Variants in ARHGEF10L observed in about 807,000 individuals in gnomAD.
ARHGEF10L encodes the protein Rho guanine nucleotide exchange factor 10 like.
ARHGEF10L carries 69 observed loss-of-function variants against 141.2 expected under a neutral mutation model. The ratio of observed to expected loss-of-function variants is 0.49; its 90% confidence interval spans 0.40 to 0.60. The LOEUF (loss-of-function observed/expected upper bound fraction) is 0.60, where lower values mean the gene tolerates loss of function less well. Ranked by LOEUF, ARHGEF10L falls within the 20% of genes least tolerant of loss-of-function variation. The pLI is 0.00. For missense variants in ARHGEF10L, 1,482 were observed against 1,734.3 expected (o/e 0.85, Z 2.58); for synonymous variants, 711 against 718.5 (o/e 0.99, Z 0.17).
intron 6 of ARHGEF10L, among the ~76,000 whole-genome samples, chr1:17,605,259 G>T (rs533639214): frequency 1.3e-5 from 2 of 152,130 alleles, no homozygotes; most frequent in African/African-American, 2.4e-5. Context: ...TTGTGCCTTG[G>T]CTTCTTCACA....
At position 17,625,972 on chromosome 1, in the gene ARHGEF10L, G is replaced by C; in HGVS notation, c.1334G>C (p.Ser445Thr). 6.2e-7 allele frequency: 1 copy of C among 1,613,916 alleles called. No individual in the cohort carries two copies. The highest frequency in any genetic ancestry group is 8.5e-7 in the Non-Finnish European group (1 of 1,179,874). ...CTCCACCAGCGACGGCAGGTGTGCA[G>C]CCCAGACCGTGTCACCCTCTACGGG... is the stretch of plus-strand genomic sequence containing the variant. ...LEFLKRRQVCSPDRVTLYGLM... is the reference protein window; with the variant it reads ...LEFLKRRQVCTPDRVTLYGLM... The change falls in exon 14 of 29, where the codon AGC becomes ACC. Residue 445 changes from serine to threonine, a missense_variant. By Grantham distance (58) the Ser-to-Thr change is moderately conservative (BLOSUM62 1). Transcript: ENST00000361221. This position sits in a 1 kb window ranked among gnomAD's most constrained non-coding sequence, Gnocchi z 4.5.
chr1:17,697,293 C>T lies in ARHGEF10L; in HGVS notation c.3753C>T (p.Gly1251=). Residue 1251 remains glycine, a synonymous_variant, in exon 29 of 29, where the codon GGC becomes GGT. Transcript: ENST00000361221. The surrounding 1 kb of genome is among the most constrained non-coding windows in gnomAD (Gnocchi z 4.8). ...ISGGQGYRNF[G]SALGSSGRQA... is the part of the protein sequence containing the mutation. ...GCGGGCAGGGCTACCGCAACTTTGG[C>T]AGCGCTCTGGGCAGCAGTGGGAGGC... is the stretch of plus-strand genomic sequence containing the variant. The T allele has an allele frequency of 6.2e-7, 1 of 1,612,776 alleles. No homozygotes were observed. Among genetic ancestry groups the T allele is most frequent in the South Asian group, 1.1e-5 (1 of 91,064 alleles).
intron 15 of ARHGEF10L, 148 bp from the exon 16 acceptor site, chr1:17,632,173 C>T (rs962238215): frequency 3.1e-6 from 3 of 979,226 alleles, no homozygotes; most frequent in Non-Finnish European, 4.6e-6. Flanking sequence ...TGCATCTTGT[C>T]ACCCAGGGAT....
chr1:17,613,940 T>C (rs1478613618), intron 8 of ARHGEF10L, among the ~76,000 whole-genome samples: 1 of 152,242 alleles, frequency 6.6e-6, no homozygotes, highest in Non-Finnish European at 1.5e-5. Flanking sequence ...AGGTCAACGA[T>C]CAGGCCTCTT....
At chr1:17,522,837 C>A in the ARHGEF10L span, among the ~76,000 whole-genome samples, 2 of 152,108 alleles carry the variant, frequency 1.3e-5, no homozygotes, top group African/African-American at 4.8e-5. Flanking sequence ...TCTTCCAGGA[C>A]TTCCTCTCCA....
In ARHGEF10L at chr1:17,637,941, A is replaced by G; in HGVS notation, c.1981A>G (p.Lys661Glu). ...RLFQELQDLQ[K>E]DLAVVEQITL... ...CTTCCAGGAGCTGCAGGACCTGCAG[A>G]AGGACCTGGCCGTGGTGGAGCAGAT... The change falls in exon 19 of 29, where the codon AAG becomes GAG. Residue 661 changes from lysine to glutamate, a missense_variant. Around this residue, in one of 3 missense-constraint regions of ARHGEF10L, gnomAD observed 858 missense variants for 966.3 expected, o/e 0.89. Transcript: ENST00000361221. 1 of 1,603,092 alleles carries G rather than the reference A, an allele frequency of 6.2e-7. No individual in the cohort carries two copies. Among genetic ancestry groups the G allele is most frequent in the East Asian group, 2.2e-5 (1 of 44,482 alleles).
At chr1:17,608,768 C>T (rs750487006) in intron 7 of ARHGEF10L, among the ~76,000 whole-genome samples, 1 of 152,058 alleles carries the variant, frequency 6.6e-6, no homozygotes, top group Non-Finnish European at 1.5e-5. Flanking sequence ...CCCTCTCAGG[C>T]TACTTTTATG....
the ARHGEF10L span, among the ~76,000 whole-genome samples, chr1:17,524,158 A>G: frequency 6.6e-6 from 1 of 152,180 alleles, no homozygotes; most frequent in Admixed American, 6.5e-5. Flanking sequence ...CTGTAGTTCC[A>G]GCTACTCAAG....
In ARHGEF10L at chr1:17,618,272, C is replaced by CAA. The variant is rs995206610; in HGVS notation, c.836-1066_836-1065dup. 5.0e-6 allele frequency: 7 copies of CAA among 1,395,764 alleles called. No homozygotes were observed. In the Admixed American group the frequency reaches 1.6e-4, roughly 32 times the overall value. 86.5% of individuals were successfully genotyped at this position (1,395,764 alleles called of 1,614,324 possible). ...TCCTCAGCCCTCCCCACCCCGCCCACAAGCCCAGCGCCTTCCTGAAGTGAC... is the reference window on the plus strand; with the variant it reads ...TCCTCAGCCCTCCCCACCCCGCCCACAAAAGCCCAGCGCCTTCCTGAAGTGAC... On this transcript the variant is annotated intron_variant, in intron 9 of 28. Transcript: ENST00000361221.
intron 4 of ARHGEF10L, among the ~76,000 whole-genome samples, chr1:17,591,523 T>C (rs2079545666): frequency 1.3e-5 from 2 of 151,722 alleles, no homozygotes; most frequent in African/African-American, 4.8e-5. Context: ...GTGATTCTCC[T>C]GCCCAGCCTC....
intron 4 of ARHGEF10L, among the ~76,000 whole-genome samples, chr1:17,595,577 C>T (rs1289544507): frequency 1.2e-4 from 19 of 152,204 alleles, no homozygotes; most frequent in Admixed American, 1.2e-3. Flanking sequence ...CTGCTCTCTA[C>T]TCATCCAGTA....
At chr1:17,614,651 G>T (rs561571225) in intron 8 of ARHGEF10L, among the ~76,000 whole-genome samples, 1 of 151,454 alleles carries the variant, frequency 6.6e-6, no homozygotes, top group Admixed American at 6.6e-5. Context: ...CATCCCTTTC[G>T]TTAGATTCTC....
chr1:17,644,486 C>T lies in ARHGEF10L; in HGVS notation c.2273-4068C>T, dbSNP rs926761477. ...CCCTGGTTTTACCCCAGCTGGGAGA[C>T]TGTGGCTACTTGCTTGGCCTCCCTG... is the stretch of plus-strand genomic sequence containing the variant. On this transcript the variant is annotated intron_variant, in intron 21 of 28. Transcript: ENST00000361221. This position sits in a 1 kb window ranked among gnomAD's most constrained non-coding sequence, Gnocchi z 4.5. 1.4e-4 allele frequency among the ~76,000 whole-genome samples: 21 copies of T among 152,220 alleles called. No homozygotes were observed. The highest frequency in any genetic ancestry group is 4.6e-4 in the African/African-American group (19 of 41,440).
At position 17,656,587 on chromosome 1, in the gene ARHGEF10L, C is replaced by T. The variant is rs558220295; in HGVS notation, c.2739C>T (p.Thr913=). ...ILLYSSVDTG[T]QCLVSCRSPG... ...TCTACAGCAGTGTGGACACTGGCAC[C>T]CAGTGCCTGGTGAGCTGCAGGAGCC... The change falls in exon 25 of 29, where the codon ACC becomes ACT. Residue 913 remains threonine, a synonymous_variant. Transcript: ENST00000361221. The surrounding 1 kb of genome is among the most constrained non-coding windows in gnomAD (Gnocchi z 4.9). The T allele has an allele frequency of 6.2e-7, 1 of 1,613,328 alleles. No individual in the cohort carries two copies. Among genetic ancestry groups the T allele is most frequent in the African/African-American group, 1.3e-5 (1 of 75,036 alleles).
intron 17 of ARHGEF10L, 47 bp from the exon 18 acceptor site, chr1:17,634,788 A>T: frequency 6.4e-7 from 1 of 1,553,960 alleles, no homozygotes; most frequent in Non-Finnish European, 8.7e-7. Flanking sequence ...GCCCTGGGGC[A>T]GGGTGGCTGC....
chr1:17,648,585 G>C lies in ARHGEF10L; in HGVS notation c.2304G>C (p.Pro768=). The part of the protein sequence containing the change: ...REENQPGWLC[P]DEDKKSKAPF... ...AGAACCAGCCAGGCTGGCTATGCCC[G>C]GATGAGGACAAGAAGAGCAAAGCCC... is the stretch of plus-strand genomic sequence containing the variant. Residue 768 remains proline (P), a synonymous_variant, in exon 22 of 29, where the codon CCG becomes CCC. Transcript: ENST00000361221. 6 of 1,613,770 alleles carry C rather than the reference G, an allele frequency of 3.7e-6. No individual in the cohort carries two copies. Among genetic ancestry groups the C allele is most frequent in the Non-Finnish European group, 3.4e-6 (4 of 1,180,014 alleles).
At position 17,673,855 on chromosome 1, in the gene ARHGEF10L, G is replaced by A. The variant is rs112395849; in HGVS notation, c.3009+9260G>A. Among the ~76,000 whole-genome samples, 63 of 152,168 alleles carry A rather than the reference G, an allele frequency of 4.1e-4. No individual in the cohort carries two copies. Among genetic ancestry groups the A allele is most frequent in the African/African-American group, 1.5e-3 (63 of 41,418 alleles). On this transcript the variant is annotated intron_variant, in intron 26 of 28. Transcript: ENST00000361221. This position sits in a 1 kb window ranked among gnomAD's most constrained non-coding sequence, Gnocchi z 4.1. Reference sequence around the variant, plus strand: ...TGCAGGTCCCAGGGCTGTGCCTGGTGGGAGGAAGCACCACGTGTCAGTTGT... The same window carrying A: ...TGCAGGTCCCAGGGCTGTGCCTGGTAGGAGGAAGCACCACGTGTCAGTTGT...
Position 17,588,439 on chromosome 1 carries a change from T to C in ARHGEF10L, c.224-7T>C. The C allele has an allele frequency of 6.2e-7, 1 of 1,613,762 alleles. No homozygotes were observed. Among genetic ancestry groups the C allele is most frequent in the Non-Finnish European group, 8.5e-7 (1 of 1,179,832 alleles). On this transcript the variant is annotated splice_region_variant and splice_polypyrimidine_tract_variant and intron_variant, in intron 3 of 28. Coordinates refer to ENST00000361221, the MANE Select transcript of ARHGEF10L (RefSeq NM_018125.4). ...TGACAGGCTCTCTGTCTGCTCTTCT[T>C]TTGCAGACCCAGACCCAGCAGCTGC...
the ARHGEF10L span, among the ~76,000 whole-genome samples, chr1:17,532,432 C>A: frequency 6.6e-6 from 1 of 152,132 alleles, no homozygotes; most frequent in Admixed American, 6.6e-5. Flanking sequence ...GCCTGTTATC[C>A]CTAGAGGAGG....
Sources: gnomAD v4.1 joint callset for allele counts (sites outside exome capture counted in the v4.1 genomes callset) on GRCh38, gnomAD v4.1.1 for gene constraint, gnomAD v4.1.1 regional missense constraint, Gnocchi (gnomAD v3.1) non-coding constraint, MANE v1.5 for transcripts, NCBI Gene and HGNC (gene_info 2026-07-23, HGNC 2026-07-21) for gene names.